The following AP1G1 variants were observed in gnomAD, a reference collection of about 807,000 sequenced individuals.
AP1G1 encodes AP-1 complex subunit gamma-1.
A neutral mutation model predicts 108.3 loss-of-function variants in AP1G1; 7 were observed. The ratio of observed to expected loss-of-function variants is 0.06; its 90% CI spans 0.04 to 0.12. The LOEUF is 0.12. AP1G1 is among the 10% of genes least tolerant of loss of function. The probability of loss-of-function intolerance (pLI) is 1.00; values close to 1 mark genes in which losing one functional copy is unlikely to be tolerated. For missense variants in AP1G1, 756 were observed against 1,010.7 expected, an observed-to-expected ratio of 0.75 and a Z score of 3.42; for synonymous variants, 379 against 353.5, an observed-to-expected ratio of 1.07 and a Z score of -0.81.
rs751602784 is a variant in AP1G1, at chr16:71,771,188, G to A, written c.533C>T (p.Ala178Val). Residue 178 changes from alanine to valine, a missense_variant, in exon 5 of 23, where the codon GCA (alanine) becomes GTA (valine). Ala to Val is a moderately conservative substitution (Grantham distance 64, BLOSUM62 0). This residue lies in a region of AP1G1 where 304 missense variants were observed against 483.6 expected (regional missense o/e 0.63). Coordinates refer to ENST00000299980, the MANE Select transcript of AP1G1 (RefSeq NM_001128.6). The part of the protein sequence containing the change: ...VPELMEMFLP[A>V]TKNLLNEKNH... ...CTTCTCATTCAATAAATTTTTTGTT[G>A]CTGGTAAAAACATCTCCATAAGTTC... is the stretch of plus-strand genomic sequence containing the variant. 2.5e-6 allele frequency: 4 copies of A among 1,609,324 alleles called. No homozygotes were observed. Among genetic ancestry groups the A allele is most frequent in the Non-Finnish European group, 3.4e-6 (4 of 1,177,910 alleles).
chr16:71,784,569 T>C (rs963362038), intron 2 of AP1G1, among the ~76,000 whole-genome samples: 5 of 152,160 alleles, frequency 3.3e-5, no homozygotes, highest in African/African-American at 9.7e-5. Flanking sequence ...TTTTTGTTGT[T>C]GTTGTTTGAG....
At chr16:71,758,054 T>C (rs769019834) in intron 11 of AP1G1, among the ~76,000 whole-genome samples, 11 of 152,248 alleles carry the variant, frequency 7.2e-5, no homozygotes, top group Non-Finnish European at 1.6e-4. Flanking sequence ...GTCTTATCTT[T>C]AGATTGCTCA....
At chr16:71,801,331 GT>G (rs1343324165) in intron 1 of AP1G1, among the ~76,000 whole-genome samples, 1 of 103,626 alleles carries the variant, frequency 9.7e-6, no homozygotes, top group Non-Finnish European at 1.8e-5. Flanking sequence ...ACCATGACAT[GT>G]TAAAAAAAAA....
At chr16:71,773,105 CT>C in intron 4 of AP1G1, 115 bp downstream of exon 4, 1 of 1,120,668 alleles carries the variant, frequency 8.9e-7, no homozygotes, top group Non-Finnish European at 1.3e-6. Flanking sequence ...AACAGATTTA[CT>C]ACACAGAAAA....
intron 18 of AP1G1, 85 bp downstream of exon 18, chr16:71,745,388 A>C: frequency 6.2e-7 from 1 of 1,606,810 alleles, no homozygotes; most frequent in Non-Finnish European, 8.5e-7. Context: ...ACCCAGGAAC[A>C]TTAAAGGGAC....
rs779066232 is a variant in AP1G1, at chr16:71,745,209, G to A, written c.1934C>T (p.Pro645Leu). The A allele has an allele frequency of 6.2e-7, 1 of 1,614,144 alleles. No individual in the cohort carries two copies. Among genetic ancestry groups the A allele is most frequent in the Non-Finnish European group, 8.5e-7 (1 of 1,180,032 alleles). The change falls in exon 19 of 23, where the codon CCT (proline) becomes CTT (leucine). Residue 645 changes from proline to leucine, a missense_variant. Physicochemically the swap from Pro to Leu is moderately conservative, Grantham distance 98 (BLOSUM62 -3). This residue lies in a region of AP1G1 where 357 missense variants were observed against 366.5 expected (regional missense o/e 0.97). Coordinates refer to ENST00000299980, the MANE Select transcript of AP1G1 (RefSeq NM_001128.6). Reference protein sequence around the residue: ...NDITPVIPTAPTSKPSSAGGE... With the variant: ...NDITPVIPTALTSKPSSAGGE... ...ACCAGCAGAAGATGGTTTGCTTGTA[G>A]GCGCAGTTGGAATAACAGGTGTTAT...
intron 2 of AP1G1, among the ~76,000 whole-genome samples, chr16:71,785,773 T>C (rs1209238274): frequency 6.6e-6 from 1 of 151,718 alleles, no homozygotes; most frequent in African/African-American, 2.4e-5. Context: ...TCCCAGCTAC[T>C]AGGGAGGCTG....
chr16:71,758,636 A>T (rs1350689171), intron 11 of AP1G1, 172 bp downstream of exon 11: 1 of 611,130 alleles, frequency 1.6e-6, no homozygotes, highest in African/African-American at 1.8e-5. Context: ...ATCCTTTCTA[A>T]AAAAAGGATT....
chr16:71,771,490 A>T (rs941495881), intron 4 of AP1G1, among the ~76,000 whole-genome samples: 5 of 152,196 alleles, frequency 3.3e-5, no homozygotes, highest in Admixed American at 6.5e-5. Context: ...GTTTGAGAAC[A>T]GCCTGGGCAA....
rs1254343475 is a variant in AP1G1, at chr16:71,769,814, T to C, written c.566-115A>G. On this transcript the variant is annotated intron_variant, in intron 5 of 22. Transcript: ENST00000299980. Reference sequence around the variant, plus strand: ...AAAGGATAGTTGCTACTTTTGCTTTTTAATCCCCCAAAGCATCTAAGCATT... The same window carrying C: ...AAAGGATAGTTGCTACTTTTGCTTTCTAATCCCCCAAAGCATCTAAGCATT... The C allele has an allele frequency of 9.0e-6, 7 of 781,108 alleles. No homozygotes were observed. In the East Asian group the frequency reaches 1.9e-4, roughly 22 times the overall value. The allele number at this position is 781,108 out of a possible 1,614,324, so 48.4% of individuals were successfully genotyped here. A position where few individuals can be genotyped will look rare whatever the true frequency, so the allele number is the denominator to read the frequency against.
At chr16:71,805,404 T>C (rs2032965507) in intron 1 of AP1G1, among the ~76,000 whole-genome samples, 1 of 152,034 alleles carries the variant, frequency 6.6e-6, no homozygotes, top group South Asian at 2.1e-4. Flanking sequence ...TGAGCCGAGA[T>C]CGAGCCACTG....
At position 71,733,091 on chromosome 16, in the gene AP1G1, C is replaced by G; in HGVS notation, c.2436G>C (p.Glu812Asp). The G allele has an allele frequency of 1.2e-6, 2 of 1,614,098 alleles. No homozygotes were observed. Among genetic ancestry groups the G allele is most frequent in the Non-Finnish European group, 1.7e-6 (2 of 1,179,982 alleles). Residue 812 changes from glutamate (E) to aspartate (D), a missense_variant, in exon 23 of 23, where the codon GAG (glutamate) becomes GAC (aspartate). Coordinates refer to ENST00000299980, the MANE Select transcript of AP1G1 (RefSeq NM_001128.6). Reference protein sequence around the residue: ...HKGSAMQDLAEVNNFPPQSWQ With the variant: ...HKGSAMQDLADVNNFPPQSWQ ...AGGACTGAGGGGGAAAGTTGTTCACCTCTGCTAGATCTTGCATTGCTGAGC... is the reference window on the plus strand; with the variant it reads ...AGGACTGAGGGGGAAAGTTGTTCACGTCTGCTAGATCTTGCATTGCTGAGC...
chr16:71,797,747 T>A (rs2032638299), intron 1 of AP1G1, among the ~76,000 whole-genome samples: 1 of 151,904 alleles, frequency 6.6e-6, no homozygotes, highest in Non-Finnish European at 1.5e-5. Context: ...TGCAGTGACC[T>A]GAGATCGTGC....
Position 71,732,876 on chromosome 16 carries a change from G to A in AP1G1, c.*182C>T. 1 of 544,134 alleles carries A rather than the reference G, an allele frequency of 1.8e-6. No homozygotes were observed. Among genetic ancestry groups the A allele is most frequent in the Admixed American group, 3.5e-5 (1 of 28,880 alleles). The allele number at this position is 544,134 out of a possible 1,614,324, so 33.7% of individuals were successfully genotyped here. Reference sequence around the variant, plus strand: ...AGCAGCCAGCCTCAACAGTGGAGGAGAGGACATTAGTCTTTAACAATGCTT... The same window carrying A: ...AGCAGCCAGCCTCAACAGTGGAGGAAAGGACATTAGTCTTTAACAATGCTT... On this transcript the variant is annotated 3_prime_UTR_variant, in exon 23 of 23. Transcript: ENST00000299980.
In AP1G1 at chr16:71,800,080, T is replaced by C. The variant is rs137902489; in HGVS notation, c.-4+8683A>G. 3.8e-3 allele frequency among the ~76,000 whole-genome samples: 557 copies of C among 147,840 alleles called. 7 individuals are homozygous for C. The highest frequency in any genetic ancestry group is 0.013 in the African/African-American group (534 of 39,902). ...TTAAAAAAATAATAATAAAGAATTA[T>C]ATTGCCGGGCACGGTGGCTCACGCC... On this transcript the variant is annotated intron_variant, in intron 1 of 22. Transcript: ENST00000299980.
At chr16:71,770,590 A>G (rs2031531821) in intron 5 of AP1G1, among the ~76,000 whole-genome samples, 1 of 152,222 alleles carries the variant, frequency 6.6e-6, no homozygotes, top group Non-Finnish European at 1.5e-5. Flanking sequence ...CCATCCTCCC[A>G]CTTCAGCCTC....
chr16:71,761,621 T>A, intron 9 of AP1G1, 54 bp from the exon 10 acceptor site: 1 of 1,349,136 alleles, frequency 7.4e-7, no homozygotes, highest in Non-Finnish European at 1.1e-6. Flanking sequence ...TTTATATTGT[T>A]TCCTGAGTTT....
At chr16:71,777,234 A>C (rs1597071551) in intron 2 of AP1G1, among the ~76,000 whole-genome samples, 2 of 143,446 alleles carry the variant, frequency 1.4e-5, no homozygotes, top group South Asian at 4.6e-4. Context: ...GATCTGAGGG[A>C]GATCCCAGGC....
chr16:71,745,639 T>C (rs1000312117), intron 17 of AP1G1, 25 bp from the exon 18 acceptor site: 17 of 1,602,174 alleles, frequency 1.1e-5, no homozygotes, highest in Non-Finnish European at 1.5e-5. Flanking sequence ...AGTGGTTAAA[T>C]TCTAGGCAGT....
Sources: allele counts gnomAD v4.1 joint callset (sites outside exome capture counted in the v4.1 genomes callset), GRCh38; gene constraint gnomAD v4.1.1; regional missense constraint gnomAD v4.1.1; transcripts MANE v1.5; gene names NCBI Gene and HGNC (gene_info 2026-07-23, HGNC 2026-07-21).